TRPC4AP: variants seen among roughly 807,000 people sequenced by gnomAD.
TRPC4AP encodes short transient receptor potential channel 4-associated protein.
Under a neutral mutation model 99.0 loss-of-function variants are expected in TRPC4AP, and 45 were observed. The ratio of observed to expected loss-of-function variants is 0.45; its 90% CI spans 0.36 to 0.58. TRPC4AP has a LOEUF of 0.58. Ranked by LOEUF, TRPC4AP falls within the 20% of genes least tolerant of loss-of-function variation. The pLI, the probability that TRPC4AP is intolerant of heterozygous loss-of-function variation, is 0.00. For missense variants in TRPC4AP, 879 were observed against 985.3 expected, an observed-to-expected ratio of 0.89 and a Z score of 1.44; for synonymous variants, 408 against 385.8, an observed-to-expected ratio of 1.06 and a Z score of -0.67.
rs559679603 is a variant in TRPC4AP, at chr20:35,002,703, A to C, written c.*443T>G. ...AAGGCAGCATTCTCTGGTACCCACC[A>C]CCCCTGCCCAGGGCTCAGAAGCCTT... On this transcript the variant is annotated 3_prime_UTR_variant, in exon 19 of 19. Coordinates refer to ENST00000252015, the MANE Select transcript of TRPC4AP (RefSeq NM_015638.3). 1.3e-3 allele frequency: 221 copies of C among 174,512 alleles called. No individual in the cohort carries two copies. The highest frequency in any genetic ancestry group is 2.6e-3 in the Admixed American group (46 of 17,740). 10.8% of individuals were successfully genotyped at this position (174,512 alleles called of 1,614,324 possible).
intron 14 of TRPC4AP, 146 bp downstream of exon 14, chr20:35,007,404 C>A (rs1471031718): frequency 3.6e-6 from 3 of 841,930 alleles, no homozygotes; most frequent in East Asian, 2.7e-5. Context: ...AAACCCAGGG[C>A]AAAATCTAAG....
rs372161656 is a variant in TRPC4AP at position 35,086,575 on chromosome 20, G to GTATATATATA, written c.168+6029_168+6038dup. On this transcript the variant is annotated intron_variant, in intron 1 of 18. Transcript: ENST00000252015. Reference sequence around the variant, plus strand: ...TGTGTGTGTGTGTGTGTGTGTGTGTGTATATATATATGAATAAGACTTTAT... The same window carrying GTATATATATA: ...TGTGTGTGTGTGTGTGTGTGTGTGTGTATATATATATATATATATATGAATAAGACTTTAT... 1.1e-3 allele frequency among the ~76,000 whole-genome samples: 99 copies of GTATATATATA among 89,790 alleles called. 6 individuals are homozygous for GTATATATATA. Among genetic ancestry groups the GTATATATATA allele is most frequent in the African/African-American group, 3.7e-3 (95 of 25,452 alleles). The allele number at this position is 89,790 out of a possible 152,430, so 58.9% of individuals were successfully genotyped here. A position where few individuals can be genotyped will look rare whatever the true frequency, so the allele number is the denominator to read the frequency against.
chr20:35,086,071 C>A (rs1234030669), intron 1 of TRPC4AP, among the ~76,000 whole-genome samples: 1 of 150,940 alleles, frequency 6.6e-6, no homozygotes, highest in African/African-American at 2.4e-5. Context: ...CACACCACCA[C>A]CACTGCCACC....
chr20:35,031,078 TGAC>T (rs2083179545), intron 8 of TRPC4AP, among the ~76,000 whole-genome samples: 1 of 152,210 alleles, frequency 6.6e-6, no homozygotes, highest in Admixed American at 6.5e-5. Context: ...GATTCTTGGT[TGAC>T]TGTTTTCTTT....
At chr20:35,060,855 CT>C (rs560958398) in intron 3 of TRPC4AP, among the ~76,000 whole-genome samples, 99 of 152,028 alleles carry the variant, frequency 6.5e-4, no homozygotes, top group Non-Finnish European at 1.2e-3. Flanking sequence ...TGATAAAGGG[CT>C]TTTATTAAAA....
chr20:35,037,894 C>T (rs770615103), intron 7 of TRPC4AP, among the ~76,000 whole-genome samples: 1 of 151,898 alleles, frequency 6.6e-6, no homozygotes, highest in African/African-American at 2.4e-5. Flanking sequence ...ATGGGCTATA[C>T]CAGCTAGGTT....
Position 35,035,247 on chromosome 20 carries a change from C to A in TRPC4AP, c.927G>T (p.Val309=), listed in dbSNP as rs1458812491. 5.0e-6 allele frequency: 8 copies of A among 1,614,046 alleles called. No homozygotes were observed. In the African/African-American group the frequency reaches 9.3e-5, roughly 19 times the overall value. ...AGCTGGCTGTGCCCGTTGACTCTGA[C>A]ACCTTTCGAGTCGCCAGTTTGCAAA... ...ERLCKLATRK[V]SESTGTASFL... is the part of the protein sequence containing the mutation. The change falls in exon 8 of 19, where the codon GTG becomes GTT. Residue 309 remains valine, a synonymous_variant. Coordinates refer to ENST00000252015, the MANE Select transcript of TRPC4AP (RefSeq NM_015638.3).
intron 8 of TRPC4AP, among the ~76,000 whole-genome samples, chr20:35,024,825 C>CCAAAAAAAAAA (rs1555904985): frequency 0.06 from 2,119 of 35,246 alleles, 483 homozygotes; most frequent in Admixed American, 0.083. Flanking sequence ...GAGACCGTCT[C>CCAAAAAAAAAA]AAAAAAAAAA....
rs563126582 is a variant in TRPC4AP at position 35,019,269 on chromosome 20, A to G, written c.1218+1921T>C. ...CTGTGCAAATGAGAACACGCTAGTG[A>G]AACAGTGGTTTTGGGGGGCCAGGAT... On this transcript the variant is annotated intron_variant, in intron 9 of 18. Coordinates refer to ENST00000252015, the MANE Select transcript of TRPC4AP (RefSeq NM_015638.3). Among the ~76,000 whole-genome samples the G allele has an allele frequency of 7.0e-4, 106 of 152,322 alleles. 1 individual carries two copies. Among genetic ancestry groups the G allele is most frequent in the African/African-American group, 2.4e-3 (101 of 41,568 alleles).
At chr20:35,037,300 TC>T (rs1230440421) in intron 7 of TRPC4AP, among the ~76,000 whole-genome samples, 1 of 129,214 alleles carries the variant, frequency 7.7e-6, no homozygotes, top group Non-Finnish European at 1.5e-5. Flanking sequence ...TGAGCGGAGA[TC>T]GCGCCACTGC....
At chr20:35,091,242 G>A (rs2085056389) in intron 1 of TRPC4AP, among the ~76,000 whole-genome samples, 8 of 151,754 alleles carry the variant, frequency 5.3e-5, no homozygotes, top group Admixed American at 5.3e-4. Context: ...TGCCTGCCTC[G>A]GCCTCCCAAA....
intron 14 of TRPC4AP, 47 bp downstream of exon 14, chr20:35,007,503 G>C (rs1189048425): frequency 6.3e-7 from 1 of 1,592,524 alleles, no homozygotes; most frequent in Non-Finnish European, 8.6e-7. Context: ...GCAACGCGTG[G>C]GCTGGGGGGA....
rs2082468452 is a variant in TRPC4AP, at chr20:35,004,305, G to A, written c.2049+153C>T. Among the ~76,000 whole-genome samples, 4 of 152,302 alleles carry A rather than the reference G, an allele frequency of 2.6e-5. 1 individual carries two copies. In the South Asian group the frequency reaches 8.3e-4, roughly 32 times the overall value. On this transcript the variant is annotated intron_variant, in intron 17 of 18. Transcript: ENST00000252015. ...CTTCCTTAGGCCCTGTCTGTACAAT[G>A]GGACACTGATTCCTCCTGAGCACAG...
intron 3 of TRPC4AP, among the ~76,000 whole-genome samples, chr20:35,060,590 A>AGG (rs2083977262): frequency 8.7e-6 from 1 of 114,878 alleles, no homozygotes; most frequent in Non-Finnish European, 1.8e-5. Flanking sequence ...GTCTCCAAAA[A>AGG]AAAAAAAAAA....
At chr20:35,045,804 TGCTGGGA>T (rs2083548939) in intron 6 of TRPC4AP, among the ~76,000 whole-genome samples, 1 of 152,010 alleles carries the variant, frequency 6.6e-6, no homozygotes, top group East Asian at 1.9e-4. Context: ...CCTCCCAAAG[TGCTGGGA>T]TTACAAGCGT....
At chr20:35,004,699 G>A (rs952332209) in intron 16 of TRPC4AP, 129 bp from the exon 17 acceptor site, 20 of 709,416 alleles carry the variant, frequency 2.8e-5, no homozygotes, top group Middle Eastern at 3.3e-4. Context: ...CAGCTTCAAC[G>A]AAAGCTGACT....
intron 5 of TRPC4AP, among the ~76,000 whole-genome samples, chr20:35,052,329 C>A (rs1358438239): frequency 5.3e-5 from 8 of 151,582 alleles, no homozygotes. Context: ...CCTGGACACA[C>A]ACAATTCTCC....
chr20:35,041,129 G>A (rs1263694497), intron 7 of TRPC4AP, among the ~76,000 whole-genome samples: 2 of 58,210 alleles, frequency 3.4e-5, no homozygotes, highest in African/African-American at 7.9e-5. Flanking sequence ...CTCCAGAACT[G>A]TGAGAAAAAT....
chr20:35,044,547 T>G lies in TRPC4AP; in HGVS notation c.823A>C (p.Lys275Gln). ...GCAGAAGGCCCCAAACTCAAGCTCT[T>G]CTTCTGTTGAGCATTTTTGGCAAGA... is the stretch of plus-strand genomic sequence containing the variant. ...TLLAKNAQQK[K>Q]SLSLGPSAAE... is the part of the protein sequence containing the mutation. The change falls in exon 7 of 19, where the codon AAG (lysine) becomes CAG (glutamine). Residue 275 changes from lysine to glutamine, a missense_variant. This residue lies in a region of TRPC4AP where 603 missense variants were observed against 631.8 expected (regional missense o/e 0.95). Coordinates refer to ENST00000252015, the MANE Select transcript of TRPC4AP (RefSeq NM_015638.3). The G allele has an allele frequency of 6.2e-7, 1 of 1,614,184 alleles. No homozygotes were observed. The highest frequency in any genetic ancestry group is 8.5e-7 in the Non-Finnish European group (1 of 1,180,028).
Sources: allele counts gnomAD v4.1 joint callset (sites outside exome capture counted in the v4.1 genomes callset), GRCh38; gene constraint gnomAD v4.1.1; regional missense constraint gnomAD v4.1.1; transcripts MANE v1.5; gene names NCBI Gene and HGNC (gene_info 2026-07-23, HGNC 2026-07-21).